Variants in FAM124A observed in about 807,000 individuals in gnomAD.
FAM124A encodes the protein protein FAM124A.
FAM124A carries 23 observed loss-of-function variants against 24.5 expected under a neutral mutation model. The ratio of observed to expected loss-of-function variants is 0.94; its 90% CI spans 0.68 to 1.33. FAM124A has a LOEUF of 1.33. Ranked by LOEUF, FAM124A falls within the 40% of genes most tolerant of loss-of-function variation. The pLI is 0.00. For missense variants in FAM124A, 623 were observed against 722.8 expected (o/e 0.86, Z 1.58); for synonymous variants, 287 against 314.7 (o/e 0.91, Z 0.93).
rs771913091 is a variant in FAM124A at position 51,252,254 on chromosome 13, C to A, written c.834+53C>A. On this transcript the variant is annotated intron_variant, in intron 3 of 3. Coordinates refer to ENST00000322475, the MANE Select transcript of FAM124A (RefSeq NM_001242312.2). Reference sequence around the variant, plus strand: ...TTAGGGGACCTGAGAAACCAGTTAGCTTTGCCTCAAACACTATAGTACCAG... The same window carrying A: ...TTAGGGGACCTGAGAAACCAGTTAGATTTGCCTCAAACACTATAGTACCAG... 9 of 1,579,144 alleles carry A rather than the reference C, an allele frequency of 5.7e-6. No individual in the cohort carries two copies. In the South Asian group the frequency reaches 1.0e-4, roughly 18 times the overall value.
chr13:51,271,350 TA>T (rs1259181535), intron 3 of FAM124A, among the ~76,000 whole-genome samples: 19 of 151,936 alleles, frequency 1.3e-4, no homozygotes, highest in Admixed American at 1.0e-3. Flanking sequence ...TCACATAGAG[TA>T]AAAAAAGGCA....
chr13:51,231,846 C>T (rs555017371), intron 2 of FAM124A, among the ~76,000 whole-genome samples: 30 of 152,256 alleles, frequency 2.0e-4, no homozygotes, highest in South Asian at 1.9e-3. Flanking sequence ...CAAAATCCTG[C>T]GAAGTGTGTT....
chr13:51,228,059 T>A (rs1334633561), intron 1 of FAM124A, among the ~76,000 whole-genome samples: 1 of 152,166 alleles, frequency 6.6e-6, no homozygotes, highest in African/African-American at 2.4e-5. Flanking sequence ...TAAATTTAAT[T>A]CAGTGCAATG....
At chr13:51,236,693 T>C (rs189607810) in intron 2 of FAM124A, among the ~76,000 whole-genome samples, 111 of 152,318 alleles carry the variant, frequency 7.3e-4, no homozygotes, top group African/African-American at 2.5e-3. Context: ...TATTTATTAT[T>C]TTCTTTCTGT....
In FAM124A at chr13:51,272,238, G is replaced by A. The variant is rs1030059025; in HGVS notation, c.835-8212G>A. Among the ~76,000 whole-genome samples, 2 of 152,102 alleles carry A rather than the reference G, an allele frequency of 1.3e-5. No individual in the cohort carries two copies. The highest frequency in any genetic ancestry group is 2.4e-5 in the African/African-American group (1 of 41,406). On this transcript the variant is annotated intron_variant, in intron 3 of 3. Transcript: ENST00000322475. The surrounding 1 kb of genome is among the most constrained non-coding windows in gnomAD (Gnocchi z 4.2). ...AGGAAGTTGGGGGCACAGGAGGTCA[G>A]TAGGTTGGCTTTGGGGGCACACCTC...
At chr13:51,246,402 G>GGGGA (rs1555273662) in intron 2 of FAM124A, among the ~76,000 whole-genome samples, 1 of 125,198 alleles carries the variant, frequency 8.0e-6, no homozygotes. Context: ...TTTCTCGTGG[G>GGGGA]GTGGGGGGGG....
chr13:51,263,925 T>A (rs1279368475), intron 3 of FAM124A, among the ~76,000 whole-genome samples: 1 of 152,212 alleles, frequency 6.6e-6, no homozygotes, highest in African/African-American at 2.4e-5. Context: ...TTTTTGTTAT[T>A]TAATTAAAAC....
At chr13:51,240,275 A>G (rs1189186032) in intron 2 of FAM124A, among the ~76,000 whole-genome samples, 2 of 152,046 alleles carry the variant, frequency 1.3e-5, no homozygotes, top group South Asian at 2.1e-4. Context: ...TGAAACTTCT[A>G]TTTTGCACAT....
chr13:51,267,348 T>G (rs1954798668), intron 3 of FAM124A, among the ~76,000 whole-genome samples: 1 of 152,236 alleles, frequency 6.6e-6, no homozygotes, highest in African/African-American at 2.4e-5. Context: ...TTGAATTTTT[T>G]AAATGTATGT....
At chr13:51,252,659 A>T (rs574475927) in intron 3 of FAM124A, 2 of 164,814 alleles carry the variant, frequency 1.2e-5, no homozygotes, top group African/African-American at 4.8e-5. Context: ...ATTGATGTTC[A>T]TAGAGGAGAT....
At chr13:51,243,588 C>CA in intron 2 of FAM124A, among the ~76,000 whole-genome samples, 1 of 152,076 alleles carries the variant, frequency 6.6e-6, no homozygotes, top group African/African-American at 2.4e-5. Context: ...GGCTGGGGTG[C>CA]AATGGTGTGA....
chr13:51,234,657 T>C (rs1191024630), intron 2 of FAM124A, among the ~76,000 whole-genome samples: 1 of 151,990 alleles, frequency 6.6e-6, no homozygotes, highest in Non-Finnish European at 1.5e-5. Context: ...TACAAAGAGA[T>C]GGAAGGAAGG....
At chr13:51,250,157 T>C (rs1954603267) in intron 2 of FAM124A, among the ~76,000 whole-genome samples, 1 of 152,236 alleles carries the variant, frequency 6.6e-6, no homozygotes, top group Non-Finnish European at 1.5e-5. Flanking sequence ...GAAATGGACT[T>C]GTAAGCCCAC....
Position 51,277,665 on chromosome 13 carries a change from G to A in FAM124A, c.835-2785G>A, listed in dbSNP as rs146713398. Reference sequence around the variant, plus strand: ...AAAAATTAGCCGGGTGTGGTGGCACGTGCCTGTGGTCCCAGCTACTCAGGA... The same window carrying A: ...AAAAATTAGCCGGGTGTGGTGGCACATGCCTGTGGTCCCAGCTACTCAGGA... On this transcript the variant is annotated intron_variant, in intron 3 of 3. Coordinates refer to ENST00000322475, the MANE Select transcript of FAM124A (RefSeq NM_001242312.2). 8.3e-3 allele frequency among the ~76,000 whole-genome samples: 1,261 copies of A among 152,184 alleles called. 25 individuals carry two copies. Among genetic ancestry groups the A allele is most frequent in the African/African-American group, 0.029 (1,216 of 41,512 alleles).
chr13:51,253,338 G>T (rs562192492), intron 3 of FAM124A: 1 of 152,162 alleles, frequency 6.6e-6, no homozygotes, highest in African/African-American at 2.4e-5. Context: ...CTACAGCCAG[G>T]CCTCATTTCT....
At chr13:51,267,793 T>G (rs1033845007) in intron 3 of FAM124A, among the ~76,000 whole-genome samples, 1 of 152,152 alleles carries the variant, frequency 6.6e-6, no homozygotes, top group East Asian at 1.9e-4. Flanking sequence ...CCAACTGAAG[T>G]GTTGCCTTTT....
intron 1 of FAM124A, among the ~76,000 whole-genome samples, chr13:51,229,267 AG>A (rs1422109815): frequency 6.6e-6 from 1 of 152,224 alleles, no homozygotes; most frequent in Non-Finnish European, 1.5e-5. Context: ...AGACATGATC[AG>A]ATTTATCCTT....
chr13:51,250,666 A>G lies in FAM124A; in HGVS notation c.101-802A>G, dbSNP rs531345718. 2.0e-5 allele frequency among the ~76,000 whole-genome samples: 3 copies of G among 152,220 alleles called. No homozygotes were observed. In the East Asian group the frequency reaches 5.8e-4, roughly 29 times the overall value. ...TGGCCCAGCAAGGGACACAAAAGGT[A>G]GCCTTTCATGGGCAGTCATGGTCTC... is the stretch of plus-strand genomic sequence containing the variant. On this transcript the variant is annotated intron_variant, in intron 2 of 3. Coordinates refer to ENST00000322475, the MANE Select transcript of FAM124A (RefSeq NM_001242312.2).
intron 3 of FAM124A, among the ~76,000 whole-genome samples, chr13:51,255,503 T>C (rs542848231): frequency 2.0e-5 from 3 of 152,338 alleles, no homozygotes; most frequent in East Asian, 3.9e-4. Context: ...GACTTTGAGT[T>C]CTTGTAGCAG....
Sources: gnomAD v4.1 joint callset for allele counts (sites outside exome capture counted in the v4.1 genomes callset) on GRCh38, gnomAD v4.1.1 for gene constraint, Gnocchi (gnomAD v3.1) non-coding constraint, MANE v1.5 for transcripts, NCBI Gene and HGNC (gene_info 2026-07-23, HGNC 2026-07-21) for gene names.